The following RNF150 variants were observed in gnomAD, a reference collection of about 807,000 sequenced individuals.
The protein encoded by RNF150 is ring finger protein 150.
RNF150 carries 24 observed loss-of-function variants against 39.3 expected under a neutral mutation model. That is an observed-to-expected ratio of 0.61 (90% CI 0.44 to 0.86). RNF150 has a LOEUF of 0.86. Among genes scored for constraint, RNF150 ranks in the 40% least tolerant of loss-of-function variants. The pLI is 0.00. For synonymous variants in RNF150, 255 were observed against 227.3 expected, an observed-to-expected ratio of 1.12 and a Z score of -1.10; for missense variants, 502 against 587.8, an observed-to-expected ratio of 0.85 and a Z score of 1.51.
chr4:141,149,120 T>G lies in RNF150; in HGVS notation c.-6+63674A>C, dbSNP rs543375178. On this transcript the variant is annotated intron_variant, in intron 1 of 7. Coordinates refer to the RNF150 transcript ENST00000420921. Reference sequence around the variant, plus strand: ...AACTATCCCTGAACATTTTTAAATTTTATCCTTTTGTGGGGATTTCAAGAA... The same window carrying G: ...AACTATCCCTGAACATTTTTAAATTGTATCCTTTTGTGGGGATTTCAAGAA... Among the ~76,000 whole-genome samples, 12 of 152,312 alleles carry G rather than the reference T, an allele frequency of 7.9e-5. No homozygotes were observed. The South Asian group carries it at 1.7e-3, about 21-fold the overall frequency.
chr4:141,166,855 C>A (rs551690965), intron 1 of RNF150, among the ~76,000 whole-genome samples: 1 of 152,138 alleles, frequency 6.6e-6, no homozygotes, highest in African/African-American at 2.4e-5. Context: ...TGGGCAAAAG[C>A]TGGATGCATT....
intron 1 of RNF150, among the ~76,000 whole-genome samples, chr4:141,098,638 A>G (rs895861197): frequency 1.1e-4 from 16 of 152,208 alleles, no homozygotes; most frequent in African/African-American, 3.6e-4. Flanking sequence ...TTCTGGTTCT[A>G]TTATACATAT....
chr4:140,915,252 A>G (rs979579679), intron 5 of RNF150, among the ~76,000 whole-genome samples: 6 of 152,212 alleles, frequency 3.9e-5, no homozygotes, highest in Non-Finnish European at 8.8e-5. Context: ...GAATACATGG[A>G]ACATAGGAAA....
intron 1 of RNF150, among the ~76,000 whole-genome samples, chr4:141,036,004 T>C (rs977787126): frequency 6.6e-6 from 1 of 151,988 alleles, no homozygotes; most frequent in Non-Finnish European, 1.5e-5. Context: ...TCAATAAGTT[T>C]AGAAAGAAAG....
intron 6 of RNF150, among the ~76,000 whole-genome samples, chr4:140,897,274 C>T (rs1020549072): frequency 6.6e-6 from 1 of 152,180 alleles, no homozygotes; most frequent in African/African-American, 2.4e-5. Context: ...TAAGATACCA[C>T]TTAGAATGTG....
In RNF150 at chr4:140,889,588, G is replaced by A. The variant is rs1260950466; in HGVS notation, c.1199-21209C>T. 5.3e-5 allele frequency among the ~76,000 whole-genome samples: 8 copies of A among 151,958 alleles called. 1 individual carries two copies. The highest frequency in any genetic ancestry group is 1.9e-4 in the East Asian group (1 of 5,184). On this transcript the variant is annotated intron_variant, in intron 6 of 6. Coordinates refer to ENST00000515673, the MANE Select transcript of RNF150 (RefSeq NM_020724.2). ...TGAAGCAGAATTTTTTTTGGTGGGCGGAAAGAGAGATTTTTAAATGCTACA... is the reference window on the plus strand; with the variant it reads ...TGAAGCAGAATTTTTTTTGGTGGGCAGAAAGAGAGATTTTTAAATGCTACA...
At chr4:141,012,282 T>C (rs548684299) in intron 1 of RNF150, among the ~76,000 whole-genome samples, 5 of 152,332 alleles carry the variant, frequency 3.3e-5, no homozygotes, top group African/African-American at 1.2e-4. Flanking sequence ...AGGCTGCTGG[T>C]CCTGACCGGG....
In RNF150 at chr4:140,868,296, A is replaced by G; in HGVS notation, c.1282T>C (p.Ser428Pro). The G allele has an allele frequency of 1.9e-6, 3 of 1,609,674 alleles. No individual in the cohort carries two copies. The highest frequency in any genetic ancestry group is 2.6e-6 in the Non-Finnish European group (3 of 1,175,960). Residue 428 changes from serine to proline, a missense_variant, in exon 7 of 7, where the codon TCC becomes CCC. By Grantham distance (74) the Ser-to-Pro change is moderately conservative (BLOSUM62 -1). Transcript: ENST00000515673. The stretch of plus-strand genomic sequence containing the variant: ...ACTTCTTCACAGTCCTGGTCAGTGG[A>G]AAGTTCTACATCAGACAGTCCAACC... ...MEVGLSDVEL[S>P]TDQDCEEVKS
intron 1 of RNF150, among the ~76,000 whole-genome samples, chr4:141,041,169 C>T (rs1032483207): frequency 1.3e-5 from 2 of 152,110 alleles, no homozygotes; most frequent in Non-Finnish European, 2.9e-5. Flanking sequence ...TTGAGATACA[C>T]AAAGCCTAGT....
chr4:140,917,418 C>T (rs555243666), intron 5 of RNF150, among the ~76,000 whole-genome samples: 7 of 152,096 alleles, frequency 4.6e-5, no homozygotes, highest in African/African-American at 1.7e-4. Context: ...GACTTTAAAC[C>T]AACAAAGATC....
At chr4:140,981,375 A>G (rs1389838919) in intron 1 of RNF150, among the ~76,000 whole-genome samples, 1 of 152,202 alleles carries the variant, frequency 6.6e-6, no homozygotes, top group Non-Finnish European at 1.5e-5. Flanking sequence ...GTAATTTTAC[A>G]TAATACTTTT....
intron 1 of RNF150, among the ~76,000 whole-genome samples, chr4:141,138,507 G>A (rs981216924): frequency 1.3e-5 from 2 of 152,122 alleles, no homozygotes; most frequent in Non-Finnish European, 2.9e-5. Context: ...TATGTGTAAA[G>A]GCTGGCATTA....
rs1332733349 is a variant in RNF150 at position 140,865,260 on chromosome 4, T to G, written c.*3001A>C. 3.3e-5 allele frequency: 5 copies of G among 152,248 alleles called. No individual in the cohort carries two copies. The highest frequency in any genetic ancestry group is 1.2e-4 in the African/African-American group (5 of 41,472). The allele number at this position is 152,248 out of a possible 1,614,324, so 9.4% of individuals were successfully genotyped here. On this transcript the variant is annotated 3_prime_UTR_variant, in exon 7 of 7. Coordinates refer to ENST00000515673, the MANE Select transcript of RNF150 (RefSeq NM_020724.2). Reference sequence around the variant, plus strand: ...GATTAAAATTATCTTTACCTGTTTCTTTTTACACTTTAAAATGTGGCTAGT... The same window carrying G: ...GATTAAAATTATCTTTACCTGTTTCGTTTTACACTTTAAAATGTGGCTAGT...
chr4:140,964,170 A>G (rs1466448865), intron 2 of RNF150, among the ~76,000 whole-genome samples: 1 of 152,140 alleles, frequency 6.6e-6, no homozygotes, highest in East Asian at 1.9e-4. Context: ...TGCAACACTA[A>G]TATAAATAAT....
chr4:141,021,163 A>G (rs994785186), intron 1 of RNF150, among the ~76,000 whole-genome samples: 4 of 152,180 alleles, frequency 2.6e-5, no homozygotes, highest in Non-Finnish European at 5.9e-5. Context: ...CAGGGTGATC[A>G]GATATCAGCC....
chr4:141,043,198 CA>C (rs1476266645), intron 1 of RNF150, among the ~76,000 whole-genome samples: 1 of 151,850 alleles, frequency 6.6e-6, no homozygotes, highest in African/African-American at 2.4e-5. Flanking sequence ...AAATCTTTCC[CA>C]GAATAGGTAG....
chr4:140,886,726 C>G (rs770867942), intron 6 of RNF150, among the ~76,000 whole-genome samples: 2 of 152,138 alleles, frequency 1.3e-5, no homozygotes, highest in Admixed American at 1.3e-4. Context: ...CCAGCAATCC[C>G]CCTCTACCTC....
At chr4:140,934,434 G>A (rs1314691581) in intron 4 of RNF150, among the ~76,000 whole-genome samples, 4 of 152,082 alleles carry the variant, frequency 2.6e-5, no homozygotes, top group Non-Finnish European at 4.4e-5. Context: ...AAATATGATA[G>A]CAGTTTCATG....
intron 1 of RNF150, among the ~76,000 whole-genome samples, chr4:141,058,847 C>T (rs1737098806): frequency 6.6e-6 from 1 of 152,144 alleles, no homozygotes; most frequent in Non-Finnish European, 1.5e-5. Context: ...GTCTGGAAGG[C>T]ACCAATTGTG....
Sources: allele counts gnomAD v4.1 joint callset (sites outside exome capture counted in the v4.1 genomes callset), GRCh38; gene constraint gnomAD v4.1.1; transcripts MANE v1.5; gene names NCBI Gene and HGNC (gene_info 2026-07-23, HGNC 2026-07-21).